The following BAZ2B variants were observed in gnomAD, a reference collection of about 807,000 sequenced individuals.
BAZ2B encodes bromodomain adjacent to zinc finger domain protein 2B.
In BAZ2B, 91 loss-of-function variants were observed where a neutral mutation model predicts 246.0. The ratio of observed to expected loss-of-function variants is 0.37; its 90% confidence interval spans 0.31 to 0.44. The LOEUF (loss-of-function observed/expected upper bound fraction) is 0.44, where lower values mean the gene tolerates loss of function less well. BAZ2B is among the 20% of genes least tolerant of loss of function. The pLI, the probability that BAZ2B is intolerant of heterozygous loss-of-function variation, is 1.00. For synonymous variants in BAZ2B, 855 were observed against 860.0 expected (o/e 0.99, Z 0.10); for missense variants, 2,332 against 2,533.7 (o/e 0.92, Z 1.71).
upstream of BAZ2B, among the ~76,000 whole-genome samples, chr2:159,617,397 A>G (rs893075753): frequency 2.0e-5 from 3 of 152,014 alleles, no homozygotes; most frequent in African/African-American, 7.3e-5. Context: ...CCCGCACCCC[A>G]TCCTATAGAT....
chr2:159,692,944 G>C, the BAZ2B span, among the ~76,000 whole-genome samples: 2 of 152,122 alleles, frequency 1.3e-5, no homozygotes, highest in Non-Finnish European at 2.9e-5. Context: ...AAGTAGCTAG[G>C]ACTACAGGTA....
chr2:159,572,162 A>G (rs188056918), intron 1 of BAZ2B, among the ~76,000 whole-genome samples: 67 of 152,336 alleles, frequency 4.4e-4, no homozygotes, highest in Non-Finnish European at 8.5e-4. Flanking sequence ...AGAGACTCCT[A>G]TGCTCAGGAT....
chr2:159,691,898 G>T, the BAZ2B span, among the ~76,000 whole-genome samples: 12 of 152,168 alleles, frequency 7.9e-5, no homozygotes, highest in Admixed American at 4.6e-4. Flanking sequence ...ATAGCAATAG[G>T]AAGCAGCTGC....
intron 5 of BAZ2B, 62 bp downstream of exon 5, chr2:159,448,180 C>G: frequency 6.5e-7 from 1 of 1,547,470 alleles, no homozygotes; most frequent in African/African-American, 1.4e-5. Context: ...TAAACCTGAA[C>G]ATTATGAAAA....
At chr2:159,431,852 G>A (rs1253731968) in intron 9 of BAZ2B, among the ~76,000 whole-genome samples, 1 of 151,908 alleles carries the variant, frequency 6.6e-6, no homozygotes, top group African/African-American at 2.4e-5. Flanking sequence ...CATAGTTCAC[G>A]GTACAATAGC....
In BAZ2B at chr2:159,405,073, GT is replaced by G; in HGVS notation, c.2718del (p.Lys906AsnfsTer20). ...ACCCGAGCCTGTTCCTGCTTTTGAA[GT>G]TTTCTCAAAAGCTTTATTTGTGCTG... Reference protein sequence around the residue: ...RQAAQIKLLRKLQKQEQARVA... With the variant: ...RQAAQIKLLRXLQKQEQARVA... On this transcript the variant is annotated frameshift_variant, in exon 15 of 37. Transcript: ENST00000392783. LOFTEE classifies it high-confidence loss of function. 6.2e-7 allele frequency: 1 copy of G among 1,613,974 alleles called. No individual in the cohort carries two copies. Among genetic ancestry groups the G allele is most frequent in the Non-Finnish European group, 8.5e-7 (1 of 1,179,954 alleles).
intron 4 of BAZ2B, among the ~76,000 whole-genome samples, chr2:159,453,273 G>C (rs2075323196): frequency 6.6e-6 from 1 of 152,000 alleles, no homozygotes. Flanking sequence ...ATAAGGCTGA[G>C]AAAAATTAAT....
At chr2:159,389,276 A>G in intron 21 of BAZ2B, 69 bp downstream of exon 21, 1 of 1,412,770 alleles carries the variant, frequency 7.1e-7, no homozygotes, top group Non-Finnish European at 9.4e-7. Flanking sequence ...GCTCTGGCAA[A>G]GAAATCAGGT....
At chr2:159,637,593 T>C in the BAZ2B span, among the ~76,000 whole-genome samples, 1 of 152,226 alleles carries the variant, frequency 6.6e-6, no homozygotes, top group African/African-American at 2.4e-5. Context: ...CGAGACCCTC[T>C]GTCACCTAGG....
chr2:159,470,484 A>G lies in BAZ2B; in HGVS notation c.145+8091T>C, dbSNP rs79653057. The stretch of plus-strand genomic sequence containing the variant: ...TAAATCACACCAAAATAAAGAAACT[A>G]AAAGTAGGAGGGTTTGCATGTGCAG... On this transcript the variant is annotated intron_variant, in intron 3 of 36. Coordinates refer to ENST00000392783, the MANE Select transcript of BAZ2B (RefSeq NM_013450.4). 1.5e-3 allele frequency among the ~76,000 whole-genome samples: 235 copies of G among 152,368 alleles called. 2 individuals are homozygous for G. The highest frequency in any genetic ancestry group is 5.5e-3 in the African/African-American group (227 of 41,588).
chr2:159,581,937 G>A (rs1686900737), intron 1 of BAZ2B, among the ~76,000 whole-genome samples: 1 of 103,578 alleles, frequency 9.7e-6, no homozygotes, highest in African/African-American at 3.8e-5. Flanking sequence ...GGGGAGGGGG[G>A]AGGGATAGCA....
intron 33 of BAZ2B, among the ~76,000 whole-genome samples, chr2:159,335,598 C>T (rs912268313): frequency 2.6e-5 from 4 of 151,506 alleles, no homozygotes; most frequent in African/African-American, 9.7e-5. Context: ...GAGAAAGACC[C>T]TGTATTCCAG....
chr2:159,405,403 G>C (rs1023284437), intron 14 of BAZ2B, among the ~76,000 whole-genome samples: 5 of 151,886 alleles, frequency 3.3e-5, no homozygotes, highest in African/African-American at 1.2e-4. Context: ...GTAGAGATGG[G>C]GTTTCACCAT....
intron 6 of BAZ2B, among the ~76,000 whole-genome samples, chr2:159,443,411 A>T (rs887260861): frequency 6.6e-6 from 1 of 152,170 alleles, no homozygotes; most frequent in East Asian, 1.9e-4. Flanking sequence ...TGAGATAAGT[A>T]CCCCACCTCC....
At chr2:159,643,312 T>C in the BAZ2B span, among the ~76,000 whole-genome samples, 3 of 152,336 alleles carry the variant, frequency 2.0e-5, no homozygotes, top group Middle Eastern at 3.4e-3. Flanking sequence ...TCTTGGCTTA[T>C]ACGCAGCCAC....
At chr2:159,646,276 C>G in the BAZ2B span, among the ~76,000 whole-genome samples, 1 of 152,204 alleles carries the variant, frequency 6.6e-6, no homozygotes, top group African/African-American at 2.4e-5. Flanking sequence ...AAATATGGCT[C>G]TGTTCCGCCT....
At chr2:159,400,833 G>A (rs1169908130) in intron 16 of BAZ2B, among the ~76,000 whole-genome samples, 169 bp from the exon 17 acceptor site, 2 of 152,116 alleles carry the variant, frequency 1.3e-5, no homozygotes, top group Non-Finnish European at 2.9e-5. Context: ...AAGGTCAGGA[G>A]ATCGAGACCA....
At chr2:159,447,002 T>A (rs772667820) in intron 5 of BAZ2B, 27 bp from the exon 6 acceptor site, 1 of 1,452,840 alleles carries the variant, frequency 6.9e-7, no homozygotes, top group African/African-American at 1.4e-5. Context: ...AACATGTTTA[T>A]ACAATGGAAT....
chr2:159,633,511 T>C, the BAZ2B span, among the ~76,000 whole-genome samples: 2 of 152,268 alleles, frequency 1.3e-5, no homozygotes, highest in South Asian at 2.1e-4. Context: ...AAATTCATAA[T>C]AGTTTAGCCC....
Sources: gnomAD v4.1 joint callset for allele counts (sites outside exome capture counted in the v4.1 genomes callset) on GRCh38, gnomAD v4.1.1 for gene constraint, MANE v1.5 for transcripts, NCBI Gene and HGNC (gene_info 2026-07-23, HGNC 2026-07-21) for gene names.